PPP1R21: variants seen among roughly 807,000 people sequenced by gnomAD.
The protein encoded by PPP1R21 is KLRAQ motif containing 1.
In PPP1R21, 85 loss-of-function variants were observed where a neutral mutation model predicts 112.8. That is an observed-to-expected ratio of 0.75 (90% confidence interval 0.63 to 0.90). The LOEUF is 0.90. PPP1R21 is among the 40% of genes least tolerant of loss of function. The pLI is 0.00. For missense variants in PPP1R21, 1,199 were observed against 901.5 expected (o/e 1.33, Z -4.23); for synonymous variants, 381 against 322.3 (o/e 1.18, Z -1.95).
intron 1 of PPP1R21, among the ~76,000 whole-genome samples, chr2:48,444,611 G>T (rs1470926701): frequency 6.6e-6 from 1 of 152,190 alleles, no homozygotes; most frequent in Non-Finnish European, 1.5e-5. Context: ...TTCAATGTTT[G>T]TGTTACCCTG....
intron 3 of PPP1R21, among the ~76,000 whole-genome samples, chr2:48,455,448 C>T (rs1270182184): frequency 6.6e-6 from 1 of 151,844 alleles, no homozygotes; most frequent in East Asian, 1.9e-4. Context: ...TGGCCCCGGC[C>T]CTGAATTTTT....
In PPP1R21 at chr2:48,510,041, C is replaced by T. The variant is rs1224329084; in HGVS notation, c.2112C>T (p.Ala704=). The part of the protein sequence containing the change: ...AECRALSKRL[A]LAEKSKEALT... Reference sequence around the variant, plus strand: ...GCCGAGCACTGTCTAAAAGACTGGCCTTGGCTGAAAAGTCTAAGGAAGCAT... The same window carrying T: ...GCCGAGCACTGTCTAAAAGACTGGCTTTGGCTGAAAAGTCTAAGGAAGCAT... Residue 704 remains alanine, a synonymous_variant, in exon 20 of 22, where the codon GCC becomes GCT. Coordinates refer to ENST00000294952, the MANE Select transcript of PPP1R21 (RefSeq NM_001135629.3). The T allele has an allele frequency of 1.2e-6, 2 of 1,613,680 alleles. No homozygotes were observed. Among genetic ancestry groups the T allele is most frequent in the East Asian group, 2.2e-5 (1 of 44,890 alleles).
In PPP1R21 at chr2:48,495,735, C is replaced by A; in HGVS notation, c.1656C>A (p.Leu552=). The part of the protein sequence containing the change: ...EEALANRRIL[L]SSTESREGLA... ...CACTGGCAAACCGCCGCATCCTTCT[C>A]AGCTCTACTGAAAGTCGAGAAGGCC... Residue 552 remains leucine (L), a synonymous_variant, in exon 16 of 22, where the codon CTC becomes CTA. Coordinates refer to ENST00000294952, the MANE Select transcript of PPP1R21 (RefSeq NM_001135629.3). 1 of 1,612,098 alleles carries A rather than the reference C, an allele frequency of 6.2e-7. No individual in the cohort carries two copies. The highest frequency in any genetic ancestry group is 8.5e-7 in the Non-Finnish European group (1 of 1,178,136).
In PPP1R21 at chr2:48,491,281, G is replaced by C. The variant is rs750865249; in HGVS notation, c.1599+111G>C. On this transcript the variant is annotated intron_variant, in intron 15 of 21. Transcript: ENST00000294952. ...TTGTTGACTTTTTATACGATATTGG[G>C]GTACAGGTTGTTGGTGGGTGTTGGG... 4.1e-6 allele frequency: 5 copies of C among 1,212,028 alleles called. No homozygotes were observed. The South Asian group carries it at 6.2e-5, about 15-fold the overall frequency. The allele number at this position is 1,212,028 out of a possible 1,614,324, so 75.1% of individuals were successfully genotyped here.
intron 1 of PPP1R21, among the ~76,000 whole-genome samples, chr2:48,442,580 T>G (rs912810170): frequency 1.3e-5 from 2 of 152,210 alleles, no homozygotes; most frequent in African/African-American, 4.8e-5. Context: ...AAGTCACCTT[T>G]AATGGAATAT....
chr2:48,479,586 T>C (rs1188801433), intron 12 of PPP1R21: 3 of 512,042 alleles, frequency 5.9e-6, no homozygotes, highest in Non-Finnish European at 1.2e-5. Context: ...GTTCAGCAAA[T>C]AATGTGTAGG....
chr2:48,504,208 A>C (rs1670265689), intron 17 of PPP1R21, among the ~76,000 whole-genome samples: 1 of 152,224 alleles, frequency 6.6e-6, no homozygotes, highest in Admixed American at 6.5e-5. Context: ...AAGTAGAAAA[A>C]TTATGGCTCT....
rs1229333382 is a variant in PPP1R21 at position 48,498,622 on chromosome 2, G to A, written c.1822G>A (p.Gly608Ser). The A allele has an allele frequency of 1.2e-6, 2 of 1,614,256 alleles. No homozygotes were observed. Among genetic ancestry groups the A allele is most frequent in the South Asian group, 2.2e-5 (2 of 91,086 alleles). The change falls in exon 17 of 22, where the codon GGT (glycine) becomes AGT (serine). Residue 608 changes from glycine to serine, a missense_variant. Coordinates refer to ENST00000294952, the MANE Select transcript of PPP1R21 (RefSeq NM_001135629.3). ...QRIADKLKNTGSAQLVGLAQE... is the reference protein window; with the variant it reads ...QRIADKLKNTSSAQLVGLAQE... ...AATTGCAGATAAGCTGAAGAATACA[G>A]GTAGTGCCCAGCTGGTTGGGCTGGC...
At chr2:48,446,463 A>G (rs907951108) in intron 1 of PPP1R21, among the ~76,000 whole-genome samples, 6 of 152,208 alleles carry the variant, frequency 3.9e-5, no homozygotes, top group African/African-American at 7.2e-5. Flanking sequence ...TTGGTGTCCA[A>G]TAGGATCATG....
chr2:48,484,517 T>C (rs1407000078), intron 13 of PPP1R21, among the ~76,000 whole-genome samples: 2 of 4,872 alleles, frequency 4.1e-4, no homozygotes, highest in Middle Eastern at 0.1. Flanking sequence ...GAATAAACTT[T>C]TTTTTTTTTT....
intron 12 of PPP1R21, 129 bp downstream of exon 12, chr2:48,474,948 A>C (rs886953864): frequency 6.8e-6 from 5 of 739,876 alleles, no homozygotes; most frequent in Non-Finnish European, 1.1e-5. Flanking sequence ...CTTGAATTCA[A>C]ATTCTCTAGC....
intron 9 of PPP1R21, among the ~76,000 whole-genome samples, chr2:48,469,487 G>GTATA (rs1668393447): frequency 2.8e-5 from 1 of 35,560 alleles, no homozygotes; most frequent in South Asian, 9.7e-4. Context: ...TATATATAGA[G>GTATA]CATATATATA....
In PPP1R21 at chr2:48,491,147, G is replaced by T. The variant is rs1233882081; in HGVS notation, c.1576G>T (p.Ala526Ser). The T allele has an allele frequency of 3.1e-6, 5 of 1,613,060 alleles. No individual in the cohort carries two copies. Among genetic ancestry groups the T allele is most frequent in the Non-Finnish European group, 4.2e-6 (5 of 1,179,802 alleles). The part of the protein sequence containing the change: ...CMLQYKKKAA[A>S]YMKSLRKPLL... The stretch of plus-strand genomic sequence containing the variant: ...GCTACAGTATAAGAAAAAAGCTGCT[G>T]CCTATATGAAGTCTTTGAGAAAGGT... Residue 526 changes from alanine to serine, a missense_variant, in exon 15 of 22, where the codon GCC becomes TCC. By Grantham distance (99) the Ala-to-Ser change is moderately conservative. Transcript: ENST00000294952.
intron 1 of PPP1R21, among the ~76,000 whole-genome samples, chr2:48,450,569 A>C (rs1446182605): frequency 6.6e-6 from 1 of 151,974 alleles, no homozygotes; most frequent in African/African-American, 2.4e-5. Flanking sequence ...CCACATTTTT[A>C]TTTTCTGTGG....
At chr2:48,477,613 T>C (rs1223887978) in intron 12 of PPP1R21, among the ~76,000 whole-genome samples, 1 of 152,166 alleles carries the variant, frequency 6.6e-6, no homozygotes, top group Non-Finnish European at 1.5e-5. Context: ...CATAATATCT[T>C]GATGATTGTT....
intron 1 of PPP1R21, among the ~76,000 whole-genome samples, chr2:48,445,004 A>G (rs1396246019): frequency 6.6e-6 from 1 of 152,020 alleles, no homozygotes; most frequent in Non-Finnish European, 1.5e-5. Context: ...AGCTACTTGT[A>G]TGGAGAAAGG....
intron 1 of PPP1R21, among the ~76,000 whole-genome samples, chr2:48,446,415 G>T (rs1667250027): frequency 6.6e-6 from 1 of 152,110 alleles, no homozygotes; most frequent in African/African-American, 2.4e-5. Flanking sequence ...TCTGGGCACT[G>T]GTCATTAGAG....
At chr2:48,471,462 C>G (rs954565072) in intron 11 of PPP1R21, 95 bp downstream of exon 11, 1 of 1,235,166 alleles carries the variant, frequency 8.1e-7, no homozygotes, top group African/African-American at 1.5e-5. Context: ...CTCTTGTGAT[C>G]TGCCTGACTT....
Position 48,461,175 on chromosome 2 carries a change from G to C in PPP1R21, c.637G>C (p.Gly213Arg). The C allele has an allele frequency of 1.3e-6, 2 of 1,582,506 alleles. No homozygotes were observed. Among genetic ancestry groups the C allele is most frequent in the Non-Finnish European group, 8.5e-7 (1 of 1,170,536 alleles). Residue 213 changes from glycine (G) to arginine (R), a missense_variant, in exon 7 of 22, where the codon GGT (glycine) becomes CGT (arginine). Physicochemically the swap from Gly to Arg is moderately radical, Grantham distance 125. Transcript: ENST00000294952. ...AAAGACTCTTCATGAAGATTTGTCA[G>C]GTAGATTAGAGGAATCCTTATCAAT... ...QLKTLHEDLSGRLEESLSIIN... is the reference protein window; with the variant it reads ...QLKTLHEDLSRRLEESLSIIN...
Sources: allele counts gnomAD v4.1 joint callset (sites outside exome capture counted in the v4.1 genomes callset), GRCh38; gene constraint gnomAD v4.1.1; transcripts MANE v1.5; gene names NCBI Gene and HGNC (gene_info 2026-07-23, HGNC 2026-07-21).